Variants in TCF4 observed in about 807,000 individuals in gnomAD.
The protein encoded by TCF4 is transcription factor 4.
A neutral mutation model predicts 82.1 loss-of-function variants in TCF4; 3 were observed. The observed-to-expected ratio is 0.04, with a 90% CI of 0.02 to 0.09. The LOEUF is 0.09. Ranked by LOEUF, TCF4 falls within the 10% of genes least tolerant of loss-of-function variation. TCF4 has a pLI of 1.00. For missense variants in TCF4, 518 were observed against 852.7 expected (o/e 0.61, Z 4.89); for synonymous variants, 276 against 309.6 (o/e 0.89, Z 1.14).
chr18:55,315,994 AGAGTT>A (rs2074032373), intron 8 of TCF4, among the ~76,000 whole-genome samples: 1 of 152,058 alleles, frequency 6.6e-6, no homozygotes, highest in Non-Finnish European at 1.5e-5. Context: ...GTGTCATCTT[AGAGTT>A]ATGTTTGAAG....
intron 16 of TCF4, 148 bp downstream of exon 16, chr18:55,234,400 C>G: frequency 9.1e-7 from 1 of 1,098,394 alleles, no homozygotes; most frequent in Non-Finnish European, 1.3e-6. Context: ...GTTCTAAATA[C>G]TTTGCCATTT....
intron 5 of TCF4, among the ~76,000 whole-genome samples, chr18:55,407,476 A>T (rs1209977155): frequency 6.6e-6 from 1 of 152,138 alleles, no homozygotes; most frequent in Non-Finnish European, 1.5e-5. Context: ...CCAGTGAGCA[A>T]ACAGTCCAGG....
At chr18:55,241,616 AGCCAGTCCAGGTGG>A (rs2051257498) in intron 15 of TCF4, among the ~76,000 whole-genome samples, 1 of 152,224 alleles carries the variant, frequency 6.6e-6, no homozygotes, top group African/African-American at 2.4e-5. Context: ...CACAGTTTTT[AGCCAGTCCAGGTGG>A]CCCATCCCTA....
chr18:55,377,088 C>T (rs2090953092), intron 6 of TCF4, among the ~76,000 whole-genome samples: 1 of 152,202 alleles, frequency 6.6e-6, no homozygotes, highest in African/African-American at 2.4e-5. Context: ...CTTCCCAGAG[C>T]CCATCTTCTT....
intron 3 of TCF4, among the ~76,000 whole-genome samples, chr18:55,511,330 TTAA>T (rs1176194533): frequency 1.4e-5 from 1 of 73,072 alleles, no homozygotes; most frequent in African/African-American, 3.6e-5. Context: ...TTCCAAAAGT[TTAA>T]AAAAAAAAAA....
chr18:55,314,281 T>C (rs1023938861), intron 8 of TCF4, among the ~76,000 whole-genome samples: 7 of 152,124 alleles, frequency 4.6e-5, no homozygotes, highest in African/African-American at 1.7e-4. Flanking sequence ...ACTTCTGTAA[T>C]AACAGGTGCA....
chr18:55,428,621 T>G (rs1245461615), intron 5 of TCF4, among the ~76,000 whole-genome samples: 1 of 152,238 alleles, frequency 6.6e-6, no homozygotes, highest in Non-Finnish European at 1.5e-5. Context: ...ATCTCCTATT[T>G]CTTAGCTTCT....
At chr18:55,593,068 G>C (rs1490079996), upstream of TCF4, among the ~76,000 whole-genome samples, 1 of 152,110 alleles carries the variant, frequency 6.6e-6, no homozygotes, top group African/African-American at 2.4e-5. Context: ...TGTCAACACT[G>C]TCATTAACAT....
Position 55,463,104 on chromosome 18 carries a change from A to ATC in TCF4, c.207+971_207+972insGA, listed in dbSNP as rs1272408670. On this transcript the variant is annotated intron_variant, in intron 4 of 19. Coordinates refer to ENST00000354452, the MANE Select transcript of TCF4 (RefSeq NM_001083962.2). ...TGCAGAATGCTTCATCTATATATAT[A>ATC]TAGCTGGTTGGGAAAGGAAGACATG... Among the ~76,000 whole-genome samples, 5 of 152,296 alleles carry ATC rather than the reference A, an allele frequency of 3.3e-5. No individual in the cohort carries two copies. In the East Asian group the frequency reaches 9.6e-4, roughly 29 times the overall value.
At chr18:55,462,812 C>A (rs181294861) in intron 4 of TCF4, among the ~76,000 whole-genome samples, 8 of 152,242 alleles carry the variant, frequency 5.3e-5, no homozygotes, top group Non-Finnish European at 1.0e-4. Context: ...AAGATTTCCT[C>A]AACCCATCCA....
At chr18:55,270,074 G>C (rs964686303) in intron 10 of TCF4, 111 bp from the exon 11 acceptor site, 61 of 1,391,466 alleles carry the variant, frequency 4.4e-5, no homozygotes, top group Admixed American at 6.8e-5. Context: ...ACAGCTTTTA[G>C]AATTTCAAAA....
intron 5 of TCF4, among the ~76,000 whole-genome samples, chr18:55,456,668 C>G (rs1390100264): frequency 6.6e-6 from 1 of 152,098 alleles, no homozygotes; most frequent in Non-Finnish European, 1.5e-5. Flanking sequence ...GGACAATTAC[C>G]TGCAAAAGTT....
rs1475962930 is a variant in TCF4, at chr18:55,232,687, A to G, written c.1487-16T>C. ...GGTGGCATGCCTGCCGAAAAAGAGAAATCAGGTGACATGTACACCACAATC... is the reference window on the plus strand; with the variant it reads ...GGTGGCATGCCTGCCGAAAAAGAGAGATCAGGTGACATGTACACCACAATC... On this transcript the variant is annotated splice_polypyrimidine_tract_variant and intron_variant, in intron 16 of 19. Coordinates refer to ENST00000354452, the MANE Select transcript of TCF4 (RefSeq NM_001083962.2). 1 of 1,614,032 alleles carries G rather than the reference A, an allele frequency of 6.2e-7. No homozygotes were observed. Among genetic ancestry groups the G allele is most frequent in the Non-Finnish European group, 8.5e-7 (1 of 1,179,992 alleles).
intron 2 of TCF4, among the ~76,000 whole-genome samples, chr18:55,609,381 C>T (rs1221708581): frequency 6.6e-6 from 1 of 152,150 alleles, no homozygotes; most frequent in Non-Finnish European, 1.5e-5. Flanking sequence ...CTTCACCACA[C>T]ACATATTCAG....
At position 55,610,444 on chromosome 18, in the gene TCF4, C is replaced by T. The variant is rs150339629; in HGVS notation, c.286+20854G>A. On this transcript the variant is annotated intron_variant, in intron 2 of 20. Transcript: ENST00000398339. ...CATGGAGGCTCTGATCCTTTTGTTC[C>T]TGCACTCAGTTTGGAGTAGACCTTT... Among the ~76,000 whole-genome samples the T allele has an allele frequency of 7.7e-4, 117 of 152,238 alleles. 1 individual carries two copies. The Middle Eastern group carries it at 0.031, about 40-fold the overall frequency.
At chr18:55,287,661 G>A (rs1458592265) in intron 8 of TCF4, among the ~76,000 whole-genome samples, 1 of 152,152 alleles carries the variant, frequency 6.6e-6, no homozygotes, top group Non-Finnish European at 1.5e-5. Context: ...CTCTACCAGT[G>A]CACTCAGCCT....
intron 1 of TCF4, 136 bp downstream of exon 1, chr18:55,587,902 G>T (rs1306198622): frequency 1.4e-6 from 1 of 722,700 alleles, no homozygotes; most frequent in Non-Finnish European, 1.7e-6. Flanking sequence ...AGGGGAAGGG[G>T]TGTCTCTTCT....
At chr18:55,552,011 TA>T (rs2097264446) in intron 3 of TCF4, among the ~76,000 whole-genome samples, 1 of 152,194 alleles carries the variant, frequency 6.6e-6, no homozygotes, top group African/African-American at 2.4e-5. Context: ...CAGTGACATA[TA>T]AATATCTAAA....
At chr18:55,438,289 T>C (rs1304098382) in intron 5 of TCF4, among the ~76,000 whole-genome samples, 2 of 151,444 alleles carry the variant, frequency 1.3e-5, no homozygotes, top group Non-Finnish European at 1.5e-5. Context: ...CTCTCTCCTC[T>C]CATTAGTCAC....
Sources: allele counts gnomAD v4.1 joint callset (sites outside exome capture counted in the v4.1 genomes callset), GRCh38; gene constraint gnomAD v4.1.1; transcripts MANE v1.5; gene names NCBI Gene and HGNC (gene_info 2026-07-23, HGNC 2026-07-21).